The following DOCK3 variants were observed in gnomAD, a reference collection of about 807,000 sequenced individuals.
The protein encoded by DOCK3 is dedicator of cytokinesis 3.
Under a neutral mutation model 265.6 loss-of-function variants are expected in DOCK3, and 60 were observed. The ratio of observed to expected loss-of-function variants is 0.23; its 90% CI spans 0.18 to 0.28. The LOEUF (loss-of-function observed/expected upper bound fraction) is 0.28. Among genes scored for constraint, DOCK3 ranks in the 10% least tolerant of loss-of-function variants. The pLI, the probability that DOCK3 is intolerant of heterozygous loss-of-function variation, is 1.00. For synonymous variants in DOCK3, 881 were observed against 938.0 expected (o/e 0.94, Z 1.11); for missense variants, 1,981 against 2,594.3 (o/e 0.76, Z 5.14).
rs1677628008 is a variant in DOCK3, at chr3:50,886,351, G to A, written c.163-3675G>A. ...ATTGTTTTTTTAAAAACAGATAAAC[G>A]ATAGTCATCATTTAGCTATGGTTAC... On this transcript the variant is annotated intron_variant, in intron 3 of 52. Transcript: ENST00000266037. Among the ~76,000 whole-genome samples, 6 of 151,616 alleles carry A rather than the reference G, an allele frequency of 4.0e-5. No individual in the cohort carries two copies. The South Asian group carries it at 1.2e-3, about 32-fold the overall frequency.
At chr3:51,210,108 C>T (rs149693851) in intron 13 of DOCK3, among the ~76,000 whole-genome samples, 176 of 152,258 alleles carry the variant, frequency 1.2e-3, no homozygotes, top group African/African-American at 3.9e-3. Context: ...CTTGACTACA[C>T]GTTCGTGGGA....
At chr3:50,979,303 A>G (rs1486265256) in intron 5 of DOCK3, among the ~76,000 whole-genome samples, 1 of 152,150 alleles carries the variant, frequency 6.6e-6, no homozygotes, top group Non-Finnish European at 1.5e-5. Flanking sequence ...GCTATTGTAA[A>G]TGGGATTGTG....
At chr3:51,074,834 C>T (rs531040195) in intron 6 of DOCK3, among the ~76,000 whole-genome samples, 36 of 152,052 alleles carry the variant, frequency 2.4e-4, no homozygotes, top group Non-Finnish European at 4.6e-4. Flanking sequence ...GCACATCCTG[C>T]ACATGTACCC....
intron 12 of DOCK3, among the ~76,000 whole-genome samples, chr3:51,201,383 T>C (rs943129166): frequency 5.3e-5 from 8 of 152,050 alleles, no homozygotes; most frequent in African/African-American, 1.9e-4. Flanking sequence ...TCCTAGTCTC[T>C]GATAAAACAG....
chr3:50,941,577 A>T (rs2076296779), intron 5 of DOCK3, among the ~76,000 whole-genome samples: 1 of 152,094 alleles, frequency 6.6e-6, no homozygotes, highest in African/African-American at 2.4e-5. Context: ...ACCCTACAGA[A>T]GTGAAAGCTT....
At chr3:50,907,717 T>C (rs910048282) in intron 4 of DOCK3, among the ~76,000 whole-genome samples, 1 of 152,150 alleles carries the variant, frequency 6.6e-6, no homozygotes, top group East Asian at 1.9e-4. Flanking sequence ...TTTGCCAGTC[T>C]GTGCCTTTTA....
At chr3:50,922,261 G>A (rs1008159722) in intron 4 of DOCK3, among the ~76,000 whole-genome samples, 4 of 152,184 alleles carry the variant, frequency 2.6e-5, no homozygotes, top group South Asian at 4.1e-4. Flanking sequence ...AATGGCAGAC[G>A]CCCCTCCCCT....
chr3:51,198,194 G>A (rs938502707), intron 12 of DOCK3, among the ~76,000 whole-genome samples: 1 of 152,232 alleles, frequency 6.6e-6, no homozygotes, highest in Admixed American at 6.5e-5. Flanking sequence ...TGAGATGTCA[G>A]GGGAAGTTGG....
chr3:51,214,258 C>A lies in DOCK3; in HGVS notation c.1252+11C>A. 2 of 1,612,956 alleles carry A rather than the reference C, an allele frequency of 1.2e-6. No homozygotes were observed. The highest frequency in any genetic ancestry group is 2.2e-5 in the South Asian group (2 of 90,902). The stretch of plus-strand genomic sequence containing the variant: ...ATGTCATTATGCCAGGTATGCAGAA[C>A]TGCTTGGGGCTGGGAAGGAAGATGG... On this transcript the variant is annotated intron_variant, in intron 14 of 52. Coordinates refer to ENST00000266037, the MANE Select transcript of DOCK3 (RefSeq NM_004947.5).
At chr3:51,314,831 G>A (rs1040446215) in intron 31 of DOCK3, 149 bp from the exon 32 acceptor site, 5 of 951,498 alleles carry the variant, frequency 5.3e-6, no homozygotes, top group Middle Eastern at 3.7e-4. Flanking sequence ...AAAAAGTTGA[G>A]GGAGAGTACC....
At chr3:51,022,285 G>C (rs1486052330) in intron 5 of DOCK3, among the ~76,000 whole-genome samples, 2 of 152,196 alleles carry the variant, frequency 1.3e-5, no homozygotes, top group East Asian at 3.9e-4. Flanking sequence ...TCATAATTCT[G>C]TTGCCTATGA....
intron 9 of DOCK3, among the ~76,000 whole-genome samples, chr3:51,127,011 A>G (rs1411783621): frequency 6.6e-6 from 1 of 152,134 alleles, no homozygotes; most frequent in African/African-American, 2.4e-5. Flanking sequence ...CGATCCCACA[A>G]TAGGCCATGC....
At chr3:51,143,495 C>G (rs2085160890) in intron 9 of DOCK3, among the ~76,000 whole-genome samples, 1 of 152,052 alleles carries the variant, frequency 6.6e-6, no homozygotes, top group African/African-American at 2.4e-5. Flanking sequence ...GTCTCAAACT[C>G]CTGACCTCAG....
In DOCK3 at chr3:50,900,487, C is replaced by G. The variant is rs142246592; in HGVS notation, c.218+10406C>G. ...CTAAAGCCTACTTCTGTCAATTTGTCAAACTCATTCTCCATCCAGTTTTGT... is the reference window on the plus strand; with the variant it reads ...CTAAAGCCTACTTCTGTCAATTTGTGAAACTCATTCTCCATCCAGTTTTGT... On this transcript the variant is annotated intron_variant, in intron 4 of 52. Transcript: ENST00000266037. Among the ~76,000 whole-genome samples the G allele has an allele frequency of 1.2e-4, 18 of 152,264 alleles. No homozygotes were observed. In the East Asian group the frequency reaches 3.1e-3, roughly 26 times the overall value.
chr3:50,843,169 C>G (rs1255595079), intron 3 of DOCK3, among the ~76,000 whole-genome samples: 1 of 152,172 alleles, frequency 6.6e-6, no homozygotes, highest in African/African-American at 2.4e-5. Context: ...GTGGATTAAA[C>G]TAATAAACAT....
At chr3:50,912,594 AC>A (rs2049915271) in intron 4 of DOCK3, among the ~76,000 whole-genome samples, 1 of 152,018 alleles carries the variant, frequency 6.6e-6, no homozygotes, top group Admixed American at 6.6e-5. Context: ...CTAGTAAAAA[AC>A]TTTAGAAGTC....
At chr3:50,993,787 T>C (rs2078189262) in intron 5 of DOCK3, among the ~76,000 whole-genome samples, 1 of 152,354 alleles carries the variant, frequency 6.6e-6, no homozygotes, top group South Asian at 2.1e-4. Flanking sequence ...ATGACCTTTT[T>C]AAAATTCAGA....
intron 10 of DOCK3, among the ~76,000 whole-genome samples, chr3:51,154,974 A>G (rs2085776638): frequency 1.3e-5 from 2 of 151,918 alleles, no homozygotes; most frequent in South Asian, 4.2e-4. Context: ...GAATTTATTT[A>G]TTTTTTATTT....
At chr3:50,747,675 C>A (rs1416086518) in intron 1 of DOCK3, among the ~76,000 whole-genome samples, 1 of 152,004 alleles carries the variant, frequency 6.6e-6, no homozygotes, top group Non-Finnish European at 1.5e-5. Context: ...ACCAGCCTGG[C>A]CAGCATGGTG....
Sources: allele counts gnomAD v4.1 joint callset (sites outside exome capture counted in the v4.1 genomes callset), GRCh38; gene constraint gnomAD v4.1.1; transcripts MANE v1.5; gene names NCBI Gene and HGNC (gene_info 2026-07-23, HGNC 2026-07-21).